BMERB1: variants seen among roughly 807,000 people sequenced by gnomAD.
BMERB1 encodes bMERB domain containing 1.
In BMERB1, 12 loss-of-function variants were observed where a neutral mutation model predicts 23.6. That is an observed-to-expected ratio of 0.51 (90% CI 0.33 to 0.82). The LOEUF (loss-of-function observed/expected upper bound fraction) is 0.82. Among genes scored for constraint, BMERB1 ranks in the 40% least tolerant of loss-of-function variants. The probability of loss-of-function intolerance (pLI) is 0.03; values close to 1 mark genes in which losing one functional copy is unlikely to be tolerated. For synonymous variants in BMERB1, 122 were observed against 96.6 expected (o/e 1.26, Z -1.54); for missense variants, 247 against 255.4 (o/e 0.97, Z 0.22).
At chr16:15,445,475 C>T (rs768603557) in intron 1 of BMERB1, among the ~76,000 whole-genome samples, 1 of 152,124 alleles carries the variant, frequency 6.6e-6, no homozygotes, top group Non-Finnish European at 1.5e-5. Flanking sequence ...TTAGCCAACC[C>T]TGGGGCTTCT....
At chr16:15,581,366 C>T (rs951298057) in intron 4 of BMERB1, 35 bp downstream of exon 4, 8 of 1,556,396 alleles carry the variant, frequency 5.1e-6, no homozygotes, top group Admixed American at 3.4e-5. Flanking sequence ...CACTGGGCTG[C>T]AGGACAGCAA....
At chr16:15,465,355 T>A (rs74245994) in intron 1 of BMERB1, among the ~76,000 whole-genome samples, 1,403 of 17,258 alleles carry the variant, frequency 0.081, 17 homozygotes, top group South Asian at 0.13. Context: ...AGATATATAT[T>A]TTTTTTTTTT....
At chr16:15,506,901 C>T (rs2051598179) in intron 1 of BMERB1, among the ~76,000 whole-genome samples, 1 of 152,152 alleles carries the variant, frequency 6.6e-6, no homozygotes, top group African/African-American at 2.4e-5. Context: ...AGGATCTAGA[C>T]AGAACCCTTG....
chr16:15,568,385 C>A (rs1351050059), intron 3 of BMERB1, among the ~76,000 whole-genome samples: 1 of 152,148 alleles, frequency 6.6e-6, no homozygotes, highest in Non-Finnish European at 1.5e-5. Flanking sequence ...TGCCTGTAAT[C>A]CCAGCACTTT....
In BMERB1 at chr16:15,484,973, C is replaced by T. The variant is rs536318229; in HGVS notation, c.107-30332C>T. On this transcript the variant is annotated intron_variant, in intron 1 of 5. Coordinates refer to ENST00000300006, the MANE Select transcript of BMERB1 (RefSeq NM_033201.3). ...CCATCAGTAGGACTCAGTTTTTCTGCATCTACTTGTGTTGGCTTCACTCTC... is the reference window on the plus strand; with the variant it reads ...CCATCAGTAGGACTCAGTTTTTCTGTATCTACTTGTGTTGGCTTCACTCTC... Among the ~76,000 whole-genome samples, 13 of 152,298 alleles carry T rather than the reference C, an allele frequency of 8.5e-5. No homozygotes were observed. In the East Asian group the frequency reaches 1.9e-3, roughly 23 times the overall value.
chr16:15,479,012 A>T (rs2051296856), intron 1 of BMERB1, among the ~76,000 whole-genome samples: 1 of 152,228 alleles, frequency 6.6e-6, no homozygotes, highest in Non-Finnish European at 1.5e-5. Context: ...TTGTTTGCGT[A>T]GAACATCATT....
chr16:15,514,986 G>A (rs1481537062), intron 1 of BMERB1, among the ~76,000 whole-genome samples: 1 of 152,170 alleles, frequency 6.6e-6, no homozygotes, highest in African/African-American at 2.4e-5. Context: ...GGAGGCTGAG[G>A]CAGGAGAATG....
chr16:15,562,686 A>G (rs1331149269), intron 2 of BMERB1, among the ~76,000 whole-genome samples: 1 of 152,066 alleles, frequency 6.6e-6, no homozygotes, highest in African/African-American at 2.4e-5. Flanking sequence ...ATAACCAAAT[A>G]TGTCTCCAGG....
At position 15,519,329 on chromosome 16, in the gene BMERB1, G is replaced by A. The variant is rs370529007; in HGVS notation, c.230+3901G>A. ...ATCAGCTGCTGCAGAGACCATGTGAGTCAGCCCCTATTTCATGGTTGAGAA... is the reference window on the plus strand; with the variant it reads ...ATCAGCTGCTGCAGAGACCATGTGAATCAGCCCCTATTTCATGGTTGAGAA... On this transcript the variant is annotated intron_variant, in intron 2 of 5. Coordinates refer to ENST00000300006, the MANE Select transcript of BMERB1 (RefSeq NM_033201.3). Among the ~76,000 whole-genome samples, 6 of 152,302 alleles carry A rather than the reference G, an allele frequency of 3.9e-5. No homozygotes were observed. In the East Asian group the frequency reaches 1.2e-3, roughly 29 times the overall value.
At chr16:15,457,939 G>A (rs1044256013) in intron 1 of BMERB1, among the ~76,000 whole-genome samples, 49 of 152,298 alleles carry the variant, frequency 3.2e-4, no homozygotes, top group African/African-American at 1.1e-3. Context: ...GAGAAAGAAC[G>A]AGCAAGAACA....
intron 1 of BMERB1, among the ~76,000 whole-genome samples, chr16:15,492,927 A>G (rs1194776247): frequency 1.3e-5 from 2 of 151,864 alleles, no homozygotes; most frequent in Admixed American, 1.3e-4. Flanking sequence ...TCAAAAAAAA[A>G]GAAAAAAAAG....
intron 1 of BMERB1, among the ~76,000 whole-genome samples, chr16:15,462,145 T>G (rs1339333136): frequency 9.3e-6 from 1 of 107,874 alleles, no homozygotes; most frequent in African/African-American, 3.3e-5. Context: ...GCCTTTTTTT[T>G]TTTTTTTTTT....
intron 1 of BMERB1, among the ~76,000 whole-genome samples, chr16:15,450,755 C>T (rs763739995): frequency 6.6e-6 from 1 of 151,896 alleles, no homozygotes; most frequent in Non-Finnish European, 1.5e-5. Context: ...ACAGGCATGA[C>T]CCACCACGCC....
chr16:15,435,948 C>T (rs1345111676), intron 1 of BMERB1, among the ~76,000 whole-genome samples: 1 of 151,860 alleles, frequency 6.6e-6, no homozygotes. Flanking sequence ...CCCTTTTTAA[C>T]CTTGGTCTTT....
At chr16:15,483,274 C>T (rs2051339827) in intron 1 of BMERB1, among the ~76,000 whole-genome samples, 1 of 152,200 alleles carries the variant, frequency 6.6e-6, no homozygotes, top group Non-Finnish European at 1.5e-5. Flanking sequence ...CTAGGAAGAA[C>T]ATGGAATGAT....
rs781252753 is a variant in BMERB1, at chr16:15,581,270, A to G, written c.358A>G (p.Ile120Val). The part of the protein sequence containing the change: ...KQREDELIQK[I>V]HKLVQKRDFL... Reference sequence around the variant, plus strand: ...GAGAGAGGATGAGCTAATCCAGAAGATCCACAAACTGGTGCAGAAGAGAGA... The same window carrying G: ...GAGAGAGGATGAGCTAATCCAGAAGGTCCACAAACTGGTGCAGAAGAGAGA... The change falls in exon 4 of 6, where the codon ATC (isoleucine) becomes GTC (valine). Residue 120 changes from isoleucine (I) to valine (V), a missense_variant. By Grantham distance (29) the Ile-to-Val change is conservative (BLOSUM62 3). Transcript: ENST00000300006. 68 of 1,613,980 alleles carry G rather than the reference A, an allele frequency of 4.2e-5. No homozygotes were observed. The highest frequency in any genetic ancestry group is 5.6e-5 in the Non-Finnish European group (66 of 1,180,004).
intron 3 of BMERB1, among the ~76,000 whole-genome samples, chr16:15,572,807 C>T (rs905842007): frequency 2.0e-5 from 3 of 152,076 alleles, no homozygotes; most frequent in Non-Finnish European, 4.4e-5. Context: ...GTGGGAGGGA[C>T]CCAGTAGGAG....
chr16:15,518,256 G>A (rs990791959), intron 2 of BMERB1, among the ~76,000 whole-genome samples: 1 of 152,180 alleles, frequency 6.6e-6, no homozygotes, highest in African/African-American at 2.4e-5. Flanking sequence ...ATTATCTAAA[G>A]GATACAGAAG....
intron 1 of BMERB1, among the ~76,000 whole-genome samples, chr16:15,439,720 A>G (rs1296537458): frequency 6.6e-6 from 1 of 152,148 alleles, no homozygotes; most frequent in East Asian, 1.9e-4. Context: ...GTATAGTGAC[A>G]TTTCAGCGTG....
Sources: allele counts gnomAD v4.1 joint callset (sites outside exome capture counted in the v4.1 genomes callset), GRCh38; gene constraint gnomAD v4.1.1; transcripts MANE v1.5; gene names NCBI Gene and HGNC (gene_info 2026-07-23, HGNC 2026-07-21).